LCA5: variants seen among roughly 807,000 people sequenced by gnomAD.
The protein encoded by LCA5 is lebercilin.
In LCA5, 37 loss-of-function variants were observed where a neutral mutation model predicts 53.0. The observed-to-expected ratio is 0.70, with a 90% CI of 0.54 to 0.92. The LOEUF is 0.92. Among genes scored for constraint, LCA5 ranks in the 40% least tolerant of loss-of-function variants. The probability of loss-of-function intolerance (pLI) is 0.00; values close to 1 mark genes in which losing one functional copy is unlikely to be tolerated. For synonymous variants in LCA5, 303 were observed against 282.9 expected (o/e 1.07, Z -0.71); for missense variants, 806 against 790.5 (o/e 1.02, Z -0.23).
At position 79,486,888 on chromosome 6, in the gene LCA5, TA is replaced by T. The variant is rs1018763265; in HGVS notation, c.*115del. Reference sequence around the variant, plus strand: ...TTTTAACTGCATTGTATTTAGCTATTAAAAATCATTCCTTAATAAGGACATT... The same window carrying T: ...TTTTAACTGCATTGTATTTAGCTATTAAAATCATTCCTTAATAAGGACATT... On this transcript the variant is annotated 3_prime_UTR_variant, in exon 8 of 8. Coordinates refer to ENST00000369846, the MANE Select transcript of LCA5 (RefSeq NM_001122769.3). 4.0e-5 allele frequency: 34 copies of T among 846,440 alleles called. No homozygotes were observed. The highest frequency in any genetic ancestry group is 5.4e-5 in the Non-Finnish European group (30 of 557,588). 52.4% of individuals were successfully genotyped at this position (846,440 alleles called of 1,614,324 possible). A position where few individuals can be genotyped will look rare whatever the true frequency, so the allele number is the denominator to read the frequency against.
At chr6:79,519,175 A>G (rs1766545967) in intron 1 of LCA5, 90 bp from the exon 2 acceptor site, 1 of 444,784 alleles carries the variant, frequency 2.2e-6, no homozygotes. Context: ...AAGCAAAATA[A>G]TATATAGCTT....
intron 3 of LCA5, among the ~76,000 whole-genome samples, chr6:79,510,474 G>T (rs2127678073): frequency 6.6e-6 from 1 of 152,130 alleles, no homozygotes; most frequent in South Asian, 2.1e-4. Context: ...GATAAAGCTG[G>T]GAGATGAAAA....
chr6:79,507,164 A>T (rs1436210621), intron 3 of LCA5, among the ~76,000 whole-genome samples: 1 of 152,220 alleles, frequency 6.6e-6, no homozygotes, highest in Admixed American at 6.5e-5. Context: ...AGATTGAAGC[A>T]GAAGCAGATA....
intron 3 of LCA5, among the ~76,000 whole-genome samples, chr6:79,501,017 T>G (rs181694898): frequency 1.3e-5 from 2 of 152,288 alleles, no homozygotes; most frequent in African/African-American, 4.8e-5. Flanking sequence ...GGTATCACCA[T>G]AGTGGGTTAA....
At chr6:79,529,739 T>C (rs1256044519) in intron 1 of LCA5, among the ~76,000 whole-genome samples, 1 of 151,740 alleles carries the variant, frequency 6.6e-6, no homozygotes, top group Non-Finnish European at 1.5e-5. Context: ...ATTAAGAAAA[T>C]GTGGCACATA....
chr6:79,525,597 T>A (rs949786893), intron 1 of LCA5, among the ~76,000 whole-genome samples: 1 of 152,118 alleles, frequency 6.6e-6, no homozygotes, highest in African/African-American at 2.4e-5. Context: ...ATTAAAGGGA[T>A]CAAAGAGTCC....
rs1769701931 is a variant in LCA5, at chr6:79,487,507, T to G, written c.1591A>C (p.Thr531Pro). 6.2e-7 allele frequency: 1 copy of G among 1,613,900 alleles called. No individual in the cohort carries two copies. Among genetic ancestry groups the G allele is most frequent in the South Asian group, 1.1e-5 (1 of 91,082 alleles). The change falls in exon 8 of 8, where the codon ACT becomes CCT. Residue 531 changes from threonine (T) to proline (P), a missense_variant. By Grantham distance (38) the Thr-to-Pro change is conservative. Transcript: ENST00000369846. The part of the protein sequence containing the change: ...GHHLQDISFS[T>P]PKGEGQNSGN... ...GAATTCTGACCTTCTCCTTTTGGAG[T>G]TGAGAAACTGATGTCTTGCAAATGA... is the stretch of plus-strand genomic sequence containing the variant.
Position 79,486,869 on chromosome 6 carries a change from C to T in LCA5, c.*135G>A. Reference sequence around the variant, plus strand: ...GTATGTATGATCTACTTCTTTTTAACTGCATTGTATTTAGCTATTAAAAAT... The same window carrying T: ...GTATGTATGATCTACTTCTTTTTAATTGCATTGTATTTAGCTATTAAAAAT... On this transcript the variant is annotated 3_prime_UTR_variant, in exon 8 of 8. Coordinates refer to ENST00000369846, the MANE Select transcript of LCA5 (RefSeq NM_001122769.3). 1.4e-6 allele frequency: 1 copy of T among 722,642 alleles called. No homozygotes were observed. 44.8% of individuals were successfully genotyped at this position (722,642 alleles called of 1,614,324 possible).
intron 2 of LCA5, among the ~76,000 whole-genome samples, chr6:79,518,146 T>G (rs1310893500): frequency 2.0e-5 from 3 of 152,192 alleles, no homozygotes; most frequent in Admixed American, 2.0e-4. Context: ...TCTAGTAACA[T>G]TTTAATAACA....
intron 2 of LCA5, among the ~76,000 whole-genome samples, chr6:79,515,792 T>C (rs963333990): frequency 3.9e-5 from 6 of 152,108 alleles, no homozygotes; most frequent in African/African-American, 1.4e-4. Flanking sequence ...TAAAAGATTT[T>C]ATAGAAGCTG....
chr6:79,489,050 C>T lies in LCA5; in HGVS notation c.1231+34G>A, dbSNP rs1287414305. 2.5e-6 allele frequency: 4 copies of T among 1,610,614 alleles called. No individual in the cohort carries two copies. In the South Asian group the frequency reaches 4.4e-5, roughly 18 times the overall value. On this transcript the variant is annotated intron_variant, in intron 7 of 7. Transcript: ENST00000369846. ...CTCTTTCTTTCTCAAGGGATGCTGA[C>T]TTGTCACATGCTTAAACAAACTCTT... is the stretch of plus-strand genomic sequence containing the variant.
At chr6:79,508,474 C>T (rs921379120) in intron 3 of LCA5, among the ~76,000 whole-genome samples, 1 of 151,786 alleles carries the variant, frequency 6.6e-6, no homozygotes, top group African/African-American at 2.4e-5. Context: ...TTCACCCCAC[C>T]CCCACCACCC....
Position 79,511,457 on chromosome 6 carries a change from G to A in LCA5, c.720+1755C>T, listed in dbSNP as rs1018633018. ...ATGAGCAAATTAGCTGATGTCATAG[G>A]TTAGTGAGGGGAAGGCAGGAGGTAG... On this transcript the variant is annotated intron_variant, in intron 3 of 7. Coordinates refer to ENST00000369846, the MANE Select transcript of LCA5 (RefSeq NM_001122769.3). Among the ~76,000 whole-genome samples the A allele has an allele frequency of 1.8e-4, 27 of 152,164 alleles. 1 individual carries two copies. Among genetic ancestry groups the A allele is most frequent in the Admixed American group, 1.7e-3 (26 of 15,264 alleles).
At chr6:79,514,000 G>GT (rs1225714738) in intron 2 of LCA5, among the ~76,000 whole-genome samples, 31 of 152,252 alleles carry the variant, frequency 2.0e-4, no homozygotes, top group African/African-American at 7.0e-4. Context: ...AAAGACAGCA[G>GT]TATCAGGCTT....
chr6:79,510,335 C>T (rs1314815228), intron 3 of LCA5, among the ~76,000 whole-genome samples: 1 of 152,168 alleles, frequency 6.6e-6, no homozygotes, highest in African/African-American at 2.4e-5. Flanking sequence ...CTAAACCTCA[C>T]ATTCTATACA....
At chr6:79,497,328 G>A (rs551466650) in intron 3 of LCA5, among the ~76,000 whole-genome samples, 371 of 152,162 alleles carry the variant, frequency 2.4e-3, no homozygotes, top group Non-Finnish European at 4.1e-3. Context: ...GACAAGTTGA[G>A]CAACACTTTG....
intron 3 of LCA5, 89 bp from the exon 4 acceptor site, chr6:79,493,839 G>A: frequency 9.7e-7 from 1 of 1,026,536 alleles, no homozygotes; most frequent in Admixed American, 2.3e-5. Flanking sequence ...GATGTTTTTA[G>A]TGGTATTGTC....
chr6:79,527,355 A>G (rs1213097070), intron 1 of LCA5, among the ~76,000 whole-genome samples: 1 of 152,210 alleles, frequency 6.6e-6, no homozygotes, highest in Admixed American at 6.5e-5. Flanking sequence ...CTACTATACA[A>G]AAAGCAGAAC....
At position 79,485,531 on chromosome 6, in the gene LCA5, A is replaced by G. The variant is rs1282509999; in HGVS notation, c.*1473T>C. On this transcript the variant is annotated 3_prime_UTR_variant, in exon 8 of 8. Coordinates refer to ENST00000369846, the MANE Select transcript of LCA5 (RefSeq NM_001122769.3). The stretch of plus-strand genomic sequence containing the variant: ...ATTCTGTTCCCAATAAATGAAAGGA[A>G]CACAATTTAGAAGATGACAGGTGGT... 1 of 152,398 alleles carries G rather than the reference A, an allele frequency of 6.6e-6. No individual in the cohort carries two copies. The highest frequency in any genetic ancestry group is 2.4e-5 in the African/African-American group (1 of 41,458). 9.4% of individuals were successfully genotyped at this position (152,398 alleles called of 1,614,324 possible).
Sources: allele counts gnomAD v4.1 joint callset (sites outside exome capture counted in the v4.1 genomes callset), GRCh38; gene constraint gnomAD v4.1.1; transcripts MANE v1.5; gene names NCBI Gene and HGNC (gene_info 2026-07-23, HGNC 2026-07-21).